CPNE5: variants seen among roughly 807,000 people sequenced by gnomAD.
The protein encoded by CPNE5 is copine-5.
Under a neutral mutation model 81.1 loss-of-function variants are expected in CPNE5, and 42 were observed. That is an observed-to-expected ratio of 0.52 (90% confidence interval 0.40 to 0.67). CPNE5 has a LOEUF of 0.67. Among genes scored for constraint, CPNE5 ranks in the 30% least tolerant of loss-of-function variants. The probability of loss-of-function intolerance (pLI) is 0.00; values close to 1 mark genes in which losing one functional copy is unlikely to be tolerated. For synonymous variants in CPNE5, 313 were observed against 321.5 expected, an observed-to-expected ratio of 0.97 and a Z score of 0.28; for missense variants, 612 against 815.5, an observed-to-expected ratio of 0.75 and a Z score of 3.04.
chr6:36,766,318 C>G lies in CPNE5; in HGVS notation c.738-942G>C, dbSNP rs1416752457. Among the ~76,000 whole-genome samples, 1 of 152,186 alleles carries G rather than the reference C, an allele frequency of 6.6e-6. No individual in the cohort carries two copies. The highest frequency in any genetic ancestry group is 1.5e-5 in the Non-Finnish European group (1 of 68,030). ...AGGAGTCAGCCTTGGGCTTCTGTGG[C>G]CCCTCCAGGAGGAGGCGCTGTCTCC... On this transcript the variant is annotated intron_variant, in intron 10 of 20. Transcript: ENST00000244751. The surrounding 1 kb of genome is among the most constrained non-coding windows in gnomAD (Gnocchi z 4.2).
At chr6:36,744,051 G>A (rs959502929) in intron 19 of CPNE5, among the ~76,000 whole-genome samples, 3 of 152,250 alleles carry the variant, frequency 2.0e-5, no homozygotes, top group Non-Finnish European at 4.4e-5. Flanking sequence ...GGATGTGGGT[G>A]TGGGTGCACA....
intron 8 of CPNE5, among the ~76,000 whole-genome samples, chr6:36,785,630 A>G (rs946796970): frequency 1.3e-5 from 2 of 152,166 alleles, no homozygotes; most frequent in African/African-American, 4.8e-5. Context: ...GCTACTCAGA[A>G]GGCTAAGGCA....
chr6:36,790,971 A>G (rs1769041687), intron 8 of CPNE5, among the ~76,000 whole-genome samples: 1 of 152,228 alleles, frequency 6.6e-6, no homozygotes, highest in Admixed American at 6.5e-5. Context: ...AGTAGGGTAA[A>G]TATTGATTGA....
In CPNE5 at chr6:36,816,029, G is replaced by C. The variant is rs931208408; in HGVS notation, c.183+6085C>G. ...CCCTATCATGTCCCTCTTCCCAGTG[G>C]AAGCATTTCTGGGACTCTTCCCACC... On this transcript the variant is annotated intron_variant, in intron 3 of 20. Transcript: ENST00000244751. Among the ~76,000 whole-genome samples, 9 of 152,204 alleles carry C rather than the reference G, an allele frequency of 5.9e-5. No individual in the cohort carries two copies. The South Asian group carries it at 6.2e-4, about 10-fold the overall frequency.
chr6:36,743,757 C>G lies in CPNE5; in HGVS notation c.1495G>C (p.Val499Leu). Reference sequence around the variant, plus strand: ...CGCACGTCGTCGCCATCCAGCTCCACCATGGCTGTGAGGGGAGGAGTGTCA... The same window carrying G: ...CGCACGTCGTCGCCATCCAGCTCCAGCATGGCTGTGAGGGGAGGAGTGTCA... ...GVGQAEFDAMVELDGDDVRIS... is the reference protein window; with the variant it reads ...GVGQAEFDAMLELDGDDVRIS... The change falls in exon 20 of 21, where the codon GTG becomes CTG. Residue 499 changes from valine (V) to leucine (L), a missense_variant. By Grantham distance (32) the Val-to-Leu change is conservative. Coordinates refer to ENST00000244751, the MANE Select transcript of CPNE5 (RefSeq NM_020939.2). 1 of 1,611,838 alleles carries G rather than the reference C, an allele frequency of 6.2e-7. No homozygotes were observed. Among genetic ancestry groups the G allele is most frequent in the Non-Finnish European group, 8.5e-7 (1 of 1,179,882 alleles).
At chr6:36,827,167 G>A (rs1202528060) in intron 1 of CPNE5, among the ~76,000 whole-genome samples, 1 of 152,070 alleles carries the variant, frequency 6.6e-6, no homozygotes, top group African/African-American at 2.4e-5. Flanking sequence ...TTCAGCCTCC[G>A]TTCCATTCCC....
At position 36,782,661 on chromosome 6, in the gene CPNE5, G is replaced by A. The variant is rs1313146352; in HGVS notation, c.529-3704C>T. On this transcript the variant is annotated intron_variant, in intron 8 of 20. Coordinates refer to ENST00000244751, the MANE Select transcript of CPNE5 (RefSeq NM_020939.2). The stretch of plus-strand genomic sequence containing the variant: ...TCTACTAAAAATACAAAAATTAGCC[G>A]GGCATGCCTGTAATCCCAGCTACTT... 3.9e-5 allele frequency among the ~76,000 whole-genome samples: 6 copies of A among 152,074 alleles called. No individual in the cohort carries two copies. The East Asian group carries it at 7.7e-4, about 20-fold the overall frequency.
intron 3 of CPNE5, among the ~76,000 whole-genome samples, chr6:36,811,856 C>A (rs113986024): frequency 2.0e-5 from 3 of 152,104 alleles, no homozygotes; most frequent in African/African-American, 7.2e-5. Context: ...GTAATCCCAG[C>A]ACTTTGGGAG....
chr6:36,820,053 C>T (rs1387999316), intron 3 of CPNE5, among the ~76,000 whole-genome samples: 3 of 152,244 alleles, frequency 2.0e-5, no homozygotes, highest in African/African-American at 7.2e-5. Context: ...CCTCCCTCGA[C>T]CCCTGACCTC....
At chr6:36,822,256 A>C (rs1243637529) in intron 2 of CPNE5, 96 bp from the exon 3 acceptor site, 5 of 1,022,620 alleles carry the variant, frequency 4.9e-6, no homozygotes, top group Non-Finnish European at 7.0e-6. Context: ...GCGCCTCAGC[A>C]GACCCAGCCT....
chr6:36,765,261 G>C (rs375161333), intron 11 of CPNE5, 74 bp downstream of exon 11: 20 of 1,535,256 alleles, frequency 1.3e-5, no homozygotes, highest in Non-Finnish European at 1.7e-5. Flanking sequence ...TCACAGCTCC[G>C]CATGGGAGGG....
chr6:36,798,531 G>A (rs377481272), intron 4 of CPNE5, 37 bp from the exon 5 acceptor site: 139 of 1,606,656 alleles, frequency 8.7e-5, no homozygotes, highest in Non-Finnish European at 1.0e-4. Context: ...AGGCAGCTGC[G>A]GACGTTCTGC....
chr6:36,761,781 G>C (rs1034054382), intron 12 of CPNE5, among the ~76,000 whole-genome samples: 3 of 152,166 alleles, frequency 2.0e-5, no homozygotes, highest in Admixed American at 2.0e-4. Context: ...GTAGAGTCAG[G>C]ATACGAACAC....
intron 1 of CPNE5, among the ~76,000 whole-genome samples, chr6:36,834,057 C>T (rs186464701): frequency 1.5e-4 from 22 of 151,156 alleles, no homozygotes; most frequent in Non-Finnish European, 2.7e-4. Flanking sequence ...AGTATGACCT[C>T]ACCTCTACAA....
chr6:36,762,398 C>T (rs141785259), intron 12 of CPNE5, among the ~76,000 whole-genome samples: 60 of 152,244 alleles, frequency 3.9e-4, no homozygotes, highest in African/African-American at 1.3e-3. Context: ...GCAAATGCTA[C>T]TGTTACACCT....
At chr6:36,808,237 C>A (rs908594372) in intron 3 of CPNE5, among the ~76,000 whole-genome samples, 1 of 152,040 alleles carries the variant, frequency 6.6e-6, no homozygotes, top group Non-Finnish European at 1.5e-5. Context: ...ATTACACGTG[C>A]CTGCCACCAC....
At chr6:36,753,897 C>T (rs1236496663) in intron 13 of CPNE5, among the ~76,000 whole-genome samples, 3 of 152,244 alleles carry the variant, frequency 2.0e-5, no homozygotes, top group African/African-American at 4.8e-5. Context: ...TGTAAGAGAA[C>T]GAACTCCTCT....
In CPNE5 at chr6:36,784,152, A is replaced by G. The variant is rs150541467; in HGVS notation, c.529-5195T>C. Among the ~76,000 whole-genome samples the G allele has an allele frequency of 3.6e-3, 549 of 152,362 alleles. 1 individual carries two copies. Among genetic ancestry groups the G allele is most frequent in the Middle Eastern group, 0.02 (6 of 294 alleles). The stretch of plus-strand genomic sequence containing the variant: ...TTTCTCCCTCTAACCCTGATGGCAG[A>G]TAAGTGAGGCATTGCTGGGGGGTTG... On this transcript the variant is annotated intron_variant, in intron 8 of 20. Transcript: ENST00000244751.
chr6:36,822,010 A>T, intron 3 of CPNE5, 104 bp downstream of exon 3: 1 of 1,063,962 alleles, frequency 9.4e-7, no homozygotes, highest in Non-Finnish European at 1.4e-6. Context: ...CGGGGCTTGG[A>T]TGCTGCAGTT....
Sources: gnomAD v4.1 joint callset for allele counts (sites outside exome capture counted in the v4.1 genomes callset) on GRCh38, gnomAD v4.1.1 for gene constraint, Gnocchi (gnomAD v3.1) non-coding constraint, MANE v1.5 for transcripts, NCBI Gene and HGNC (gene_info 2026-07-23, HGNC 2026-07-21) for gene names.